IMMP2L: variants seen among roughly 807,000 people sequenced by gnomAD.
IMMP2L encodes mitochondrial inner membrane protease subunit 2.
A neutral mutation model predicts 19.3 loss-of-function variants in IMMP2L; 18 were observed. That is an observed-to-expected ratio of 0.93 (90% CI 0.64 to 1.38). IMMP2L has a LOEUF of 1.38. Among genes scored for constraint, IMMP2L ranks in the 40% most tolerant of loss-of-function variants. IMMP2L has a pLI of 0.00. For synonymous variants in IMMP2L, 76 were observed against 73.0 expected (o/e 1.04, Z -0.21); for missense variants, 233 against 218.2 (o/e 1.07, Z -0.43).
intron 3 of IMMP2L, among the ~76,000 whole-genome samples, chr7:111,429,419 C>T (rs557984254): frequency 6.6e-6 from 1 of 151,842 alleles, no homozygotes; most frequent in Admixed American, 6.6e-5. Flanking sequence ...GGCTTGGCAG[C>T]CTAAACAAAC....
At chr7:111,295,040 T>C (rs1821480267) in intron 3 of IMMP2L, among the ~76,000 whole-genome samples, 1 of 151,896 alleles carries the variant, frequency 6.6e-6, no homozygotes, top group Non-Finnish European at 1.5e-5. Flanking sequence ...TTTCTGATAA[T>C]ATGTGAAGTT....
chr7:111,443,405 A>T (rs1324223943), intron 3 of IMMP2L, among the ~76,000 whole-genome samples: 1 of 152,188 alleles, frequency 6.6e-6, no homozygotes, highest in Non-Finnish European at 1.5e-5. Flanking sequence ...GGGCTGGTTA[A>T]GGATGCAGAG....
At position 111,532,087 on chromosome 7, in the gene IMMP2L, T is replaced by A. The variant is rs370393638; in HGVS notation, c.-2-10638A>T. 3.3e-5 allele frequency among the ~76,000 whole-genome samples: 5 copies of A among 151,940 alleles called. No homozygotes were observed. The East Asian group carries it at 7.7e-4, about 24-fold the overall frequency. Reference sequence around the variant, plus strand: ...GATAGGGGAAATAAGAAAAAGGTAGTAACACTCAGAACCTAAAAAAAGAAG... The same window carrying A: ...GATAGGGGAAATAAGAAAAAGGTAGAAACACTCAGAACCTAAAAAAAGAAG... On this transcript the variant is annotated intron_variant, in intron 1 of 5. Transcript: ENST00000405709.
chr7:111,473,630 G>A (rs1352660166), intron 3 of IMMP2L, among the ~76,000 whole-genome samples: 1 of 152,124 alleles, frequency 6.6e-6, no homozygotes, highest in East Asian at 1.9e-4. Flanking sequence ...TTCATGTTAA[G>A]AATAACTGAC....
At chr7:111,189,364 T>C (rs1808620080) in intron 3 of IMMP2L, among the ~76,000 whole-genome samples, 1 of 69,638 alleles carries the variant, frequency 1.4e-5, no homozygotes, top group South Asian at 5.1e-4. Context: ...GTCACCCACC[T>C]TTTTTAATGA....
chr7:111,495,273 C>T (rs968826226), intron 2 of IMMP2L, among the ~76,000 whole-genome samples: 1 of 152,068 alleles, frequency 6.6e-6, no homozygotes, highest in African/African-American at 2.4e-5. Context: ...TCAGTTGTAT[C>T]TCACAAATTG....
intron 3 of IMMP2L, among the ~76,000 whole-genome samples, chr7:111,481,483 C>T (rs1389177190): frequency 6.6e-6 from 1 of 152,034 alleles, no homozygotes; most frequent in East Asian, 1.9e-4. Context: ...CCGGGGATAA[C>T]AATACCTACT....
At chr7:110,970,195 T>C (rs903900951) in intron 3 of IMMP2L, among the ~76,000 whole-genome samples, 1 of 152,144 alleles carries the variant, frequency 6.6e-6, no homozygotes, top group African/African-American at 2.4e-5. Flanking sequence ...GTATTTTTGA[T>C]CCTGAAAAAC....
chr7:111,402,165 TA>T (rs1833483342), intron 3 of IMMP2L, among the ~76,000 whole-genome samples: 1 of 136,954 alleles, frequency 7.3e-6, no homozygotes, highest in Non-Finnish European at 1.5e-5. Context: ...ATAATAATAA[TA>T]ATAATATTAA....
intron 3 of IMMP2L, among the ~76,000 whole-genome samples, chr7:111,241,624 T>C (rs539981430): frequency 6.6e-6 from 1 of 152,044 alleles, no homozygotes; most frequent in South Asian, 2.1e-4. Context: ...CAACTTGTTA[T>C]GGCATTTGTA....
chr7:111,454,610 CTTCTTATAAT>C (rs1369887706), intron 3 of IMMP2L, among the ~76,000 whole-genome samples: 1 of 151,842 alleles, frequency 6.6e-6, no homozygotes, highest in Non-Finnish European at 1.5e-5. Flanking sequence ...TCCTAAGATT[CTTCTTATAAT>C]TTTTATAGTT....
rs1281921007 is a variant in IMMP2L, at chr7:111,413,956, T to C, written c.239+73282A>G. Among the ~76,000 whole-genome samples the C allele has an allele frequency of 4.6e-5, 7 of 151,782 alleles. No individual in the cohort carries two copies. The East Asian group carries it at 1.3e-3, about 29-fold the overall frequency. ...CCAGTGATACTCACATCCCAGCAAG[T>C]TGCAGCAGCACCTCCATAAGCAACT... On this transcript the variant is annotated intron_variant, in intron 3 of 5. Transcript: ENST00000405709.
At chr7:110,699,568 C>A (rs889234052) in intron 5 of IMMP2L, among the ~76,000 whole-genome samples, 4 of 151,968 alleles carry the variant, frequency 2.6e-5, no homozygotes, top group African/African-American at 9.7e-5. Flanking sequence ...GTCAGGAGTT[C>A]GAGACCAGCC....
chr7:111,040,546 T>C (rs1204049857), intron 3 of IMMP2L, among the ~76,000 whole-genome samples: 1 of 151,438 alleles, frequency 6.6e-6, no homozygotes, highest in Non-Finnish European at 1.5e-5. Flanking sequence ...CCTGAAAATC[T>C]TTTAATCTAA....
intron 5 of IMMP2L, among the ~76,000 whole-genome samples, chr7:110,678,195 CTGCTATAAAAT>C (rs1362512853): frequency 1.2e-4 from 18 of 152,236 alleles, no homozygotes; most frequent in African/African-American, 4.1e-4. Flanking sequence ...CTGACCTGAG[CTGCTATAAAAT>C]TGTAGTCTAT....
intron 3 of IMMP2L, among the ~76,000 whole-genome samples, chr7:111,272,184 T>C (rs1818537487): frequency 6.6e-6 from 1 of 152,180 alleles, no homozygotes; most frequent in African/African-American, 2.4e-5. Context: ...ATAAAGCCCT[T>C]ACTATATCTC....
chr7:111,097,566 C>T (rs1384953260), intron 3 of IMMP2L, among the ~76,000 whole-genome samples: 2 of 151,618 alleles, frequency 1.3e-5, no homozygotes, highest in African/African-American at 4.8e-5. Context: ...AACTAACTTT[C>T]AGCTTACCTT....
At chr7:110,872,386 G>T (rs1808621538) in intron 5 of IMMP2L, among the ~76,000 whole-genome samples, 1 of 152,104 alleles carries the variant, frequency 6.6e-6, no homozygotes, top group Non-Finnish European at 1.5e-5. Context: ...TCACTTCTAA[G>T]AACTTCATGA....
At position 110,914,924 on chromosome 7, in the gene IMMP2L, T is replaced by A. The variant is rs113832610; in HGVS notation, c.306-28229A>T. On this transcript the variant is annotated intron_variant, in intron 4 of 5. Coordinates refer to ENST00000405709, the MANE Select transcript of IMMP2L (RefSeq NM_032549.4). ...ACCTCATACCTATTAGGACGACTTATCAAAGACAAAAGATAACAAGTGTTG... is the reference window on the plus strand; with the variant it reads ...ACCTCATACCTATTAGGACGACTTAACAAAGACAAAAGATAACAAGTGTTG... Among the ~76,000 whole-genome samples the A allele has an allele frequency of 9.5e-3, 1,441 of 152,130 alleles. 24 individuals carry two copies. The highest frequency in any genetic ancestry group is 0.033 in the African/African-American group (1,357 of 41,520).
Sources: allele counts gnomAD v4.1 joint callset (sites outside exome capture counted in the v4.1 genomes callset), GRCh38; gene constraint gnomAD v4.1.1; transcripts MANE v1.5; gene names NCBI Gene and HGNC (gene_info 2026-07-23, HGNC 2026-07-21).